The following ITSN1 variants were observed in gnomAD, a reference collection of about 807,000 sequenced individuals.
The protein encoded by ITSN1 is intersectin-1.
ITSN1 carries 58 observed loss-of-function variants against 239.8 expected under a neutral mutation model. The ratio of observed to expected loss-of-function variants is 0.24; its 90% CI spans 0.20 to 0.30. ITSN1 has a LOEUF of 0.30. Among genes scored for constraint, ITSN1 ranks in the 10% least tolerant of loss-of-function variants. The probability of loss-of-function intolerance (pLI) is 1.00; values close to 1 mark genes in which losing one functional copy is unlikely to be tolerated. For synonymous variants in ITSN1, 780 were observed against 770.8 expected, an observed-to-expected ratio of 1.01 and a Z score of -0.20; for missense variants, 1,558 against 2,103.3, an observed-to-expected ratio of 0.74 and a Z score of 5.07.
At chr21:33,825,509 C>T (rs2073931119) in intron 25 of ITSN1, among the ~76,000 whole-genome samples, 1 of 152,190 alleles carries the variant, frequency 6.6e-6, no homozygotes, top group Admixed American at 6.5e-5. Flanking sequence ...GTCTGGGGCA[C>T]AGTCTGGGGG....
intron 20 of ITSN1, among the ~76,000 whole-genome samples, chr21:33,807,363 G>C (rs1229537443): frequency 6.6e-6 from 1 of 152,188 alleles, no homozygotes; most frequent in Non-Finnish European, 1.5e-5. Context: ...ATGTCCACCA[G>C]TGTCTCGCTC....
Position 33,721,286 on chromosome 21 carries a change from A to G in ITSN1, c.121+16A>G. 1.3e-6 allele frequency: 2 copies of G among 1,515,046 alleles called. No homozygotes were observed. The highest frequency in any genetic ancestry group is 1.8e-6 in the Non-Finnish European group (2 of 1,090,072). 93.9% of individuals were successfully genotyped at this position (1,515,046 alleles called of 1,614,324 possible). A position where few individuals can be genotyped will look rare whatever the true frequency, so the allele number is the denominator to read the frequency against. On this transcript the variant is annotated intron_variant, in intron 3 of 39. Coordinates refer to ENST00000381318, the MANE Select transcript of ITSN1 (RefSeq NM_003024.3). ...TTCATTACTGGTAATCACAGTCAGC[A>G]TTTTTTCATTTTTACTTATCAGTAG...
intron 14 of ITSN1, among the ~76,000 whole-genome samples, chr21:33,780,191 A>G (rs1365843080): frequency 6.6e-6 from 1 of 152,226 alleles, no homozygotes; most frequent in Admixed American, 6.5e-5. Flanking sequence ...GATGAAGGCC[A>G]TGTGTTTATT....
intron 10 of ITSN1, 44 bp from the exon 11 acceptor site, chr21:33,767,669 A>G (rs773411625): frequency 8.7e-7 from 1 of 1,143,144 alleles, no homozygotes; most frequent in Non-Finnish European, 1.3e-6. Context: ...CTCCACCCAG[A>G]CAGCTCTGTG....
rs190481792 is a variant in ITSN1, at chr21:33,798,417, T to A, written c.2182+809T>A. ...GCCTAGCCTAATTTGCCTTTTTTTT[T>A]TAAAAAAGGGATAAATGAAAGACTG... On this transcript the variant is annotated intron_variant, in intron 18 of 39. Coordinates refer to ENST00000381318, the MANE Select transcript of ITSN1 (RefSeq NM_003024.3). Among the ~76,000 whole-genome samples the A allele has an allele frequency of 7.2e-3, 1,086 of 151,838 alleles. 13 individuals carry two copies. Among genetic ancestry groups the A allele is most frequent in the African/African-American group, 0.025 (1,038 of 41,334 alleles).
In ITSN1 at chr21:33,875,405, G is replaced by A. The variant is rs781569279; in HGVS notation, c.4225G>A (p.Ala1409Thr). ...CCCGGACCACAGCCACTTGAAGCAC[G>A]CCCTGGAGAAGGCGGAAGAGCTCTG... Reference protein sequence around the residue: ...NHPDHSHLKHALEKAEELCSQ... With the variant: ...NHPDHSHLKHTLEKAEELCSQ... Residue 1409 changes from alanine (A) to threonine (T), a missense_variant, in exon 34 of 40, where the codon GCC becomes ACC. By Grantham distance (58) the Ala-to-Thr change is moderately conservative. This residue lies in a region of ITSN1 where 576 missense variants were observed against 893.3 expected (regional missense o/e 0.64). Transcript: ENST00000381318. 2 of 1,614,118 alleles carry A rather than the reference G, an allele frequency of 1.2e-6. No individual in the cohort carries two copies. Among genetic ancestry groups the A allele is most frequent in the African/African-American group, 1.3e-5 (1 of 75,024 alleles).
intron 4 of ITSN1, among the ~76,000 whole-genome samples, chr21:33,729,747 G>A (rs2066051638): frequency 6.6e-6 from 1 of 152,218 alleles, no homozygotes; most frequent in Non-Finnish European, 1.5e-5. Flanking sequence ...TAGTAAATCA[G>A]TAAAGTGCTC....
intron 29 of ITSN1, among the ~76,000 whole-genome samples, chr21:33,849,252 G>C (rs1337935480): frequency 6.9e-6 from 1 of 145,188 alleles, no homozygotes; most frequent in Non-Finnish European, 1.5e-5. Context: ...ACAAAAACAA[G>C]AACAACAACA....
chr21:33,835,657 A>G (rs2148403569), intron 28 of ITSN1, among the ~76,000 whole-genome samples: 1 of 152,344 alleles, frequency 6.6e-6, no homozygotes, highest in Non-Finnish European at 1.5e-5. Context: ...TAGGCCTGGC[A>G]TGGTGGCTCG....
At chr21:33,802,347 G>C in intron 19 of ITSN1, 83 bp from the exon 20 acceptor site, 1 of 1,366,306 alleles carries the variant, frequency 7.3e-7, no homozygotes. Context: ...GAGATGCGTA[G>C]AGTTTAGATA....
intron 1 of ITSN1, among the ~76,000 whole-genome samples, chr21:33,708,271 T>C (rs1013769971): frequency 1.3e-5 from 2 of 151,750 alleles, no homozygotes; most frequent in Non-Finnish European, 2.9e-5. Context: ...TTCTAATGTA[T>C]GTGTTGCAAG....
intron 16 of ITSN1, among the ~76,000 whole-genome samples, chr21:33,791,083 T>G (rs2071090336): frequency 6.6e-6 from 1 of 152,202 alleles, no homozygotes; most frequent in Non-Finnish European, 1.5e-5. Context: ...ATAGATTGCC[T>G]TCTCGGAAGT....
At chr21:33,665,604 G>T (rs1324244978) in intron 1 of ITSN1, among the ~76,000 whole-genome samples, 1 of 152,158 alleles carries the variant, frequency 6.6e-6, no homozygotes, top group Admixed American at 6.5e-5. Context: ...TAGATACAGA[G>T]TTATATGGCT....
At position 33,673,552 on chromosome 21, in the gene ITSN1, C is replaced by T. The variant is rs188106639; in HGVS notation, c.-33+30839C>T. 1.8e-3 allele frequency among the ~76,000 whole-genome samples: 280 copies of T among 152,252 alleles called. 3 individuals are homozygous for T. Among genetic ancestry groups the T allele is most frequent in the African/African-American group, 6.4e-3 (264 of 41,532 alleles). On this transcript the variant is annotated intron_variant, in intron 1 of 39. Coordinates refer to ENST00000381318, the MANE Select transcript of ITSN1 (RefSeq NM_003024.3). The stretch of plus-strand genomic sequence containing the variant: ...GGGGCGAGGACAGAGCGTGGACTTG[C>T]GGAAAGTTAGGTGGCCTTGGTGATT...
At chr21:33,883,394 A>C (rs749109947) in intron 35 of ITSN1, among the ~76,000 whole-genome samples, 156 bp from the exon 36 acceptor site, 1 of 152,216 alleles carries the variant, frequency 6.6e-6, no homozygotes, top group South Asian at 2.1e-4. Context: ...TGCTCAGTCT[A>C]GGTTACTGAA....
At chr21:33,806,451 A>G (rs1012370246) in intron 20 of ITSN1, among the ~76,000 whole-genome samples, 2 of 152,218 alleles carry the variant, frequency 1.3e-5, no homozygotes, top group Non-Finnish European at 2.9e-5. Flanking sequence ...GATTTTAGAA[A>G]TATTAATCTT....
At chr21:33,800,461 C>G (rs565113286) in intron 19 of ITSN1, among the ~76,000 whole-genome samples, 48 of 152,196 alleles carry the variant, frequency 3.2e-4, no homozygotes, top group Non-Finnish European at 6.2e-4. Flanking sequence ...CTCATAATTG[C>G]AATAACTTTT....
At chr21:33,868,303 C>T (rs1440800677) in intron 33 of ITSN1, among the ~76,000 whole-genome samples, 8 of 152,258 alleles carry the variant, frequency 5.3e-5, no homozygotes, top group East Asian at 1.9e-4. Flanking sequence ...CTGCCAGTCT[C>T]GCGCCATGCA....
At chr21:33,838,687 CT>C (rs1385563817) in intron 29 of ITSN1, among the ~76,000 whole-genome samples, 1 of 152,200 alleles carries the variant, frequency 6.6e-6, no homozygotes, top group African/African-American at 2.4e-5. Flanking sequence ...TGCTCTCCAC[CT>C]TCCCTGATCA....
Sources: gnomAD v4.1 joint callset for allele counts (sites outside exome capture counted in the v4.1 genomes callset) on GRCh38, gnomAD v4.1.1 for gene constraint, gnomAD v4.1.1 regional missense constraint, MANE v1.5 for transcripts, NCBI Gene and HGNC (gene_info 2026-07-23, HGNC 2026-07-21) for gene names.